BNC2: variants seen among roughly 807,000 people sequenced by gnomAD.
BNC2 encodes the protein basonuclin zinc finger protein 2.
A neutral mutation model predicts 76.3 loss-of-function variants in BNC2; 20 were observed. The observed-to-expected ratio is 0.26, with a 90% CI of 0.18 to 0.38. BNC2 has a LOEUF of 0.38. Ranked by LOEUF, BNC2 falls within the 10% of genes least tolerant of loss-of-function variation. BNC2 has a pLI of 1.00. For missense variants in BNC2, 1,382 were observed against 1,399.8 expected, an observed-to-expected ratio of 0.99 and a Z score of 0.20; for synonymous variants, 582 against 514.8, an observed-to-expected ratio of 1.13 and a Z score of -1.77.
At chr9:16,423,629 C>T (rs1820750099) in intron 6 of BNC2, among the ~76,000 whole-genome samples, 1 of 152,096 alleles carries the variant, frequency 6.6e-6, no homozygotes, top group Non-Finnish European at 1.5e-5. Context: ...AAGTATTTCC[C>T]AAAATACACT....
At chr9:16,458,153 C>T (rs1374925802) in intron 5 of BNC2, among the ~76,000 whole-genome samples, 2 of 152,044 alleles carry the variant, frequency 1.3e-5, no homozygotes, top group Non-Finnish European at 2.9e-5. Flanking sequence ...GGGGGAAAAC[C>T]CCTACCATTA....
At chr9:16,829,110 G>A (rs1238590398) in intron 1 of BNC2, among the ~76,000 whole-genome samples, 1 of 152,176 alleles carries the variant, frequency 6.6e-6, no homozygotes, top group African/African-American at 2.4e-5. Flanking sequence ...TTCCGCCCGC[G>A]TCCCTCCCCT....
intron 5 of BNC2, among the ~76,000 whole-genome samples, chr9:16,540,072 T>A (rs918889398): frequency 6.6e-6 from 1 of 152,030 alleles, no homozygotes; most frequent in African/African-American, 2.4e-5. Context: ...CAATTCATTT[T>A]TATTAAAAAT....
At chr9:16,624,011 G>C (rs1587246596) in intron 3 of BNC2, among the ~76,000 whole-genome samples, 1 of 152,138 alleles carries the variant, frequency 6.6e-6, no homozygotes, top group African/African-American at 2.4e-5. Flanking sequence ...GCCTAGTCAA[G>C]AATTTCTTAA....
chr9:16,425,297 G>A (rs1479265967), intron 6 of BNC2, among the ~76,000 whole-genome samples: 5 of 152,154 alleles, frequency 3.3e-5, no homozygotes, highest in Admixed American at 3.3e-4. Context: ...CGGCACGTCT[G>A]TTGTAATAAC....
intron 5 of BNC2, 107 bp from the exon 6 acceptor site, chr9:16,437,631 G>T: frequency 7.4e-7 from 1 of 1,343,350 alleles, no homozygotes; most frequent in Non-Finnish European, 1.0e-6. Flanking sequence ...AAAACACTGA[G>T]CAAGAGCAGA....
chr9:16,856,577 C>T (rs558346180), intron 1 of BNC2, among the ~76,000 whole-genome samples: 1 of 152,074 alleles, frequency 6.6e-6, no homozygotes, highest in Admixed American at 6.5e-5. Flanking sequence ...CCCAGCCCTT[C>T]GTGTAAATAT....
intron 1 of BNC2, among the ~76,000 whole-genome samples, chr9:16,818,331 G>A (rs1563957288): frequency 6.6e-6 from 1 of 152,194 alleles, no homozygotes; most frequent in Non-Finnish European, 1.5e-5. Context: ...GTGAACCTTG[G>A]AGGCGGAGCT....
chr9:16,662,015 G>A (rs1334472373), intron 3 of BNC2, among the ~76,000 whole-genome samples: 1 of 152,144 alleles, frequency 6.6e-6, no homozygotes, highest in Middle Eastern at 3.2e-3. Context: ...TCGAACAGCT[G>A]CCAACATGTT....
At chr9:16,460,491 T>G (rs1020513357) in intron 5 of BNC2, among the ~76,000 whole-genome samples, 1 of 151,912 alleles carries the variant, frequency 6.6e-6, no homozygotes, top group African/African-American at 2.4e-5. Context: ...GGTGTGATGG[T>G]GCAAGCCTGT....
intron 3 of BNC2, among the ~76,000 whole-genome samples, chr9:16,657,439 G>A (rs568147008): frequency 1.4e-4 from 21 of 152,302 alleles, no homozygotes; most frequent in South Asian, 6.2e-4. Context: ...AGAGGTCAGC[G>A]CTCCAGAGCT....
At chr9:16,866,682 A>C (rs971948545) in intron 1 of BNC2, among the ~76,000 whole-genome samples, 7 of 149,616 alleles carry the variant, frequency 4.7e-5, no homozygotes, top group Non-Finnish European at 1.0e-4. Flanking sequence ...AAAAAAAAAA[A>C]AAACCATAAT....
chr9:16,741,919 C>A (rs1824861709), intron 1 of BNC2, among the ~76,000 whole-genome samples: 1 of 128,170 alleles, frequency 7.8e-6, no homozygotes, highest in Non-Finnish European at 1.5e-5. Context: ...GATCACGCCA[C>A]TGCACTGCAG....
intron 1 of BNC2, among the ~76,000 whole-genome samples, chr9:16,769,384 AGAAG>A (rs1825775817): frequency 6.6e-6 from 1 of 152,210 alleles, no homozygotes; most frequent in East Asian, 1.9e-4. Flanking sequence ...AGGTTAAAGA[AGAAG>A]GATCATTCTC....
intron 1 of BNC2, among the ~76,000 whole-genome samples, chr9:16,858,267 C>G (rs572808098): frequency 2.6e-5 from 4 of 152,274 alleles, no homozygotes; most frequent in South Asian, 4.1e-4. Flanking sequence ...AAGTGTGTCT[C>G]TTATCATACG....
chr9:16,595,355 G>C (rs765274140), intron 3 of BNC2, among the ~76,000 whole-genome samples: 17 of 152,078 alleles, frequency 1.1e-4, no homozygotes, highest in Non-Finnish European at 2.2e-4. Flanking sequence ...AATAATAATA[G>C]TGATATGATG....
At chr9:16,512,860 G>T (rs536380436) in intron 5 of BNC2, among the ~76,000 whole-genome samples, 1 of 152,216 alleles carries the variant, frequency 6.6e-6, no homozygotes, top group East Asian at 1.9e-4. Context: ...ATATGGCTGG[G>T]CGTGGTGGCT....
At chr9:16,463,007 C>A (rs887534566) in intron 5 of BNC2, among the ~76,000 whole-genome samples, 1 of 152,110 alleles carries the variant, frequency 6.6e-6, no homozygotes, top group Non-Finnish European at 1.5e-5. Context: ...CCCCGCAGCC[C>A]ACCCATTTCC....
intron 5 of BNC2, among the ~76,000 whole-genome samples, chr9:16,526,048 G>C (rs764689637): frequency 3.3e-5 from 5 of 151,512 alleles, no homozygotes; most frequent in Admixed American, 6.6e-5. Context: ...AGTTCCTACA[G>C]ACATAACCTG....
Sources: gnomAD v4.1 joint callset for allele counts (sites outside exome capture counted in the v4.1 genomes callset) on GRCh38, gnomAD v4.1.1 for gene constraint, MANE v1.5 for transcripts, NCBI Gene and HGNC (gene_info 2026-07-23, HGNC 2026-07-21) for gene names.